Variants in PCDH15 observed in about 807,000 individuals in gnomAD.
PCDH15 encodes the protein protocadherin-15.
In PCDH15, 129 loss-of-function variants were observed where a neutral mutation model predicts 178.5. The ratio of observed to expected loss-of-function variants is 0.72; its 90% CI spans 0.63 to 0.84. PCDH15 has a LOEUF of 0.84. Among genes scored for constraint, PCDH15 ranks in the 40% least tolerant of loss-of-function variants. The pLI is 0.00. For missense variants in PCDH15, 2,230 were observed against 2,099.9 expected (o/e 1.06, Z -1.21); for synonymous variants, 800 against 732.0 (o/e 1.09, Z -1.50).
At chr10:55,423,620 G>C (rs1010692170) in intron 2 of PCDH15, among the ~76,000 whole-genome samples, 4 of 151,988 alleles carry the variant, frequency 2.6e-5, no homozygotes, top group Non-Finnish European at 2.9e-5. Context: ...TTCTATATAG[G>C]AGCTTGTTGA....
chr10:55,004,489 G>T (rs980791331), intron 2 of PCDH15, among the ~76,000 whole-genome samples: 1 of 152,068 alleles, frequency 6.6e-6, no homozygotes, highest in African/African-American at 2.4e-5. Context: ...TAGTATCAAA[G>T]AATTGAAACC....
At chr10:54,009,778 T>C (rs753964015) in intron 20 of PCDH15, among the ~76,000 whole-genome samples, 10 of 152,158 alleles carry the variant, frequency 6.6e-5, no homozygotes, top group African/African-American at 7.2e-5. Flanking sequence ...CCATGGACTT[T>C]TGCATCCCTG....
At chr10:54,723,752 A>C (rs1566043250) in intron 1 of PCDH15, among the ~76,000 whole-genome samples, 1 of 151,846 alleles carries the variant, frequency 6.6e-6, no homozygotes, top group African/African-American at 2.4e-5. Context: ...ATTTCTTAAA[A>C]GAAGAAATAC....
intron 4 of PCDH15, among the ~76,000 whole-genome samples, chr10:54,373,523 A>G (rs1173355616): frequency 6.6e-6 from 1 of 152,012 alleles, no homozygotes; most frequent in Non-Finnish European, 1.5e-5. Context: ...TAAAAAGAAA[A>G]TATCAATTTG....
At chr10:53,863,988 T>C (rs2079277522) in intron 27 of PCDH15, among the ~76,000 whole-genome samples, 3 of 152,130 alleles carry the variant, frequency 2.0e-5, no homozygotes, top group African/African-American at 2.4e-5. Flanking sequence ...AATCAGGCCA[T>C]AGTGAGAATG....
intron 15 of PCDH15, among the ~76,000 whole-genome samples, chr10:54,106,424 C>T (rs959569822): frequency 6.6e-6 from 1 of 152,094 alleles, no homozygotes; most frequent in African/African-American, 2.4e-5. Context: ...AGACAGGGAC[C>T]AGAGAGAAAC....
intron 1 of PCDH15, among the ~76,000 whole-genome samples, chr10:54,726,081 A>T (rs1189806711): frequency 1.3e-5 from 2 of 151,522 alleles, no homozygotes; most frequent in Admixed American, 6.6e-5. Context: ...TAAGAGCTTT[A>T]CATTTTATCT....
intron 1 of PCDH15, among the ~76,000 whole-genome samples, chr10:55,319,232 C>T (rs2132297551): frequency 6.6e-6 from 1 of 152,150 alleles, no homozygotes; most frequent in African/African-American, 2.4e-5. Context: ...GAAAATAACA[C>T]ATATACAAAC....
At chr10:53,836,847 A>T in intron 29 of PCDH15, among the ~76,000 whole-genome samples, 1 of 152,196 alleles carries the variant, frequency 6.6e-6, no homozygotes, top group East Asian at 1.9e-4. Context: ...ACTCTGATTC[A>T]ACTCTGATTA....
At chr10:54,941,462 A>T (rs949347348) in intron 2 of PCDH15, among the ~76,000 whole-genome samples, 2 of 151,852 alleles carry the variant, frequency 1.3e-5, no homozygotes, top group Non-Finnish European at 2.9e-5. Context: ...CTCCTTATTG[A>T]TGTTTTCTAT....
intron 2 of PCDH15, among the ~76,000 whole-genome samples, chr10:55,094,641 A>T (rs1332232438): frequency 6.6e-6 from 1 of 152,130 alleles, no homozygotes; most frequent in African/African-American, 2.4e-5. Context: ...AGGCTTATAC[A>T]TATGTTGCCA....
intron 1 of PCDH15, among the ~76,000 whole-genome samples, chr10:55,258,805 T>A (rs1174287499): frequency 6.8e-6 from 1 of 146,298 alleles, no homozygotes; most frequent in East Asian, 2.0e-4. Context: ...ACCTTTCTGG[T>A]CTGAAAGATT....
Position 53,806,669 on chromosome 10 carries a change from CA to C in PCDH15, c.5132del (p.Leu1711TrpfsTer27). 6.2e-7 allele frequency: 1 copy of C among 1,613,836 alleles called. No homozygotes were observed. The highest frequency in any genetic ancestry group is 8.5e-7 in the Non-Finnish European group (1 of 1,179,806). ...ACTGTGTGTGGTCACTATGAAATTC[CA>C]AAGCCTCCTTGATGTTCTTACTGTC... ...MIDSKNIKEA[L>X]EFHSDHTQSD... On this transcript the variant is annotated frameshift_variant, in exon 38 of 38. Coordinates refer to ENST00000644397, the MANE Select transcript of PCDH15 (RefSeq NM_001384140.1). LOFTEE classifies it high-confidence loss of function.
intron 36 of PCDH15, among the ~76,000 whole-genome samples, 169 bp downstream of exon 36, chr10:53,811,380 T>C (rs1243422101): frequency 6.6e-6 from 1 of 152,124 alleles, no homozygotes; most frequent in Non-Finnish European, 1.5e-5. Flanking sequence ...AGAAAAATGG[T>C]TAAAACTTGG....
chr10:55,601,784 A>G (rs1261236148), intron 2 of PCDH15, among the ~76,000 whole-genome samples: 2 of 152,148 alleles, frequency 1.3e-5, no homozygotes, highest in Admixed American at 6.5e-5. Context: ...TAGATACAAG[A>G]ATAAGAGAGG....
intron 2 of PCDH15, among the ~76,000 whole-genome samples, chr10:54,955,703 A>T (rs1429358457): frequency 2.6e-5 from 4 of 151,320 alleles, no homozygotes; most frequent in African/African-American, 9.7e-5. Context: ...TCAATTACCA[A>T]ATAAAATGAT....
At chr10:54,070,862 G>A (rs1438277544) in intron 17 of PCDH15, among the ~76,000 whole-genome samples, 1 of 151,928 alleles carries the variant, frequency 6.6e-6, no homozygotes, top group Non-Finnish European at 1.5e-5. Context: ...AAAGTGCTGG[G>A]GTTATAGGTC....
At chr10:54,249,386 G>A (rs1394205691) in intron 8 of PCDH15, among the ~76,000 whole-genome samples, 1 of 152,098 alleles carries the variant, frequency 6.6e-6, no homozygotes, top group African/African-American at 2.4e-5. Flanking sequence ...AATAGTGAGG[G>A]AGATATACAT....
intron 1 of PCDH15, among the ~76,000 whole-genome samples, chr10:55,309,664 AT>A (rs1843528439): frequency 6.6e-6 from 1 of 152,242 alleles, no homozygotes; most frequent in East Asian, 1.9e-4. Context: ...TAGGAAAAAA[AT>A]AGTTTCTGAT....
Sources: allele counts gnomAD v4.1 joint callset (sites outside exome capture counted in the v4.1 genomes callset), GRCh38; gene constraint gnomAD v4.1.1; transcripts MANE v1.5; gene names NCBI Gene and HGNC (gene_info 2026-07-23, HGNC 2026-07-21).